The following CAMK1D variants were observed in gnomAD, a reference collection of about 807,000 sequenced individuals.
CAMK1D encodes calcium/calmodulin-dependent protein kinase type 1D.
Under a neutral mutation model 47.7 loss-of-function variants are expected in CAMK1D, and 9 were observed. The ratio of observed to expected loss-of-function variants is 0.19; its 90% CI spans 0.11 to 0.33. The LOEUF (loss-of-function observed/expected upper bound fraction) is 0.33, where lower values mean the gene tolerates loss of function less well. Ranked by LOEUF, CAMK1D falls within the 10% of genes least tolerant of loss-of-function variation. The pLI is 1.00. For synonymous variants in CAMK1D, 184 were observed against 184.9 expected, an observed-to-expected ratio of 0.99 and a Z score of 0.04; for missense variants, 291 against 488.7, an observed-to-expected ratio of 0.60 and a Z score of 3.81.
At chr10:12,823,687 C>T (rs987246073) in intron 8 of CAMK1D, among the ~76,000 whole-genome samples, 4 of 151,970 alleles carry the variant, frequency 2.6e-5, no homozygotes, top group Non-Finnish European at 4.4e-5. Context: ...GCTCAGGAAT[C>T]AGCTAGAGTT....
chr10:12,708,295 C>T (rs1019505676), intron 3 of CAMK1D, among the ~76,000 whole-genome samples: 8 of 151,328 alleles, frequency 5.3e-5, no homozygotes, highest in Admixed American at 2.0e-4. Context: ...GCGACTGATA[C>T]GTTTACATGC....
intron 3 of CAMK1D, among the ~76,000 whole-genome samples, chr10:12,711,445 G>A (rs1028472469): frequency 1.3e-5 from 2 of 152,210 alleles, no homozygotes; most frequent in African/African-American, 4.8e-5. Flanking sequence ...CGTTGGAAGA[G>A]CTCTCACGTA....
chr10:12,725,118 C>G (rs1834564113), intron 3 of CAMK1D: 1 of 153,824 alleles, frequency 6.5e-6, no homozygotes. Context: ...ACCCTCAGAT[C>G]CGCAGTCCTC....
chr10:12,779,442 C>G (rs993596734), intron 5 of CAMK1D, among the ~76,000 whole-genome samples: 2 of 151,946 alleles, frequency 1.3e-5, no homozygotes, highest in African/African-American at 2.4e-5. Flanking sequence ...TTTATCTTTT[C>G]TTTTTTCAAG....
chr10:12,396,152 G>A (rs919471660), intron 1 of CAMK1D, among the ~76,000 whole-genome samples: 2 of 152,072 alleles, frequency 1.3e-5, no homozygotes, highest in Non-Finnish European at 2.9e-5. Flanking sequence ...GGGCTTACAG[G>A]CGTGAGCCAC....
At chr10:12,623,279 T>C (rs868155689) in intron 2 of CAMK1D, among the ~76,000 whole-genome samples, 4 of 6,444 alleles carry the variant, frequency 6.2e-4, no homozygotes, top group African/African-American at 9.3e-4. Context: ...CTCCCTCCCT[T>C]CCTTCCTCCC....
intron 3 of CAMK1D, among the ~76,000 whole-genome samples, chr10:12,743,586 G>C (rs959395319): frequency 4.6e-5 from 7 of 152,304 alleles, no homozygotes; most frequent in African/African-American, 1.7e-4. Flanking sequence ...TATGTTCACA[G>C]AGTTGGATCA....
chr10:12,749,874 G>A (rs956549641), intron 3 of CAMK1D, among the ~76,000 whole-genome samples: 1 of 152,176 alleles, frequency 6.6e-6, no homozygotes, highest in East Asian at 1.9e-4. Flanking sequence ...GATGACAAGT[G>A]TGAGCCACTG....
intron 6 of CAMK1D, among the ~76,000 whole-genome samples, chr10:12,801,354 T>TATCTTTCTATC (rs57429397): frequency 1.5e-5 from 1 of 66,490 alleles, no homozygotes; most frequent in Non-Finnish European, 3.1e-5. Context: ...TCTATCTATC[T>TATCTTTCTATC]TATCTATCTA....
intron 2 of CAMK1D, among the ~76,000 whole-genome samples, chr10:12,581,407 A>G (rs1240164856): frequency 6.6e-6 from 1 of 152,182 alleles, no homozygotes; most frequent in African/African-American, 2.4e-5. Flanking sequence ...GATATCCAGT[A>G]GTGGGATTGC....
intron 2 of CAMK1D, among the ~76,000 whole-genome samples, chr10:12,574,947 G>A (rs1837446909): frequency 6.6e-6 from 1 of 152,060 alleles, no homozygotes; most frequent in African/African-American, 2.4e-5. Flanking sequence ...CAGTGGCATG[G>A]TGCAGAACCA....
At chr10:12,782,094 A>G (rs1837526132) in intron 5 of CAMK1D, among the ~76,000 whole-genome samples, 2 of 151,754 alleles carry the variant, frequency 1.3e-5, no homozygotes, top group African/African-American at 4.8e-5. Flanking sequence ...AACAGAAAAG[A>G]TCAGAGCTGT....
At chr10:12,545,527 C>T (rs944106052) in intron 1 of CAMK1D, among the ~76,000 whole-genome samples, 6 of 149,190 alleles carry the variant, frequency 4.0e-5, no homozygotes, top group Non-Finnish European at 5.9e-5. Context: ...ATTAGCCGGG[C>T]GCAGTGGCTC....
chr10:12,643,740 T>C (rs191350971), intron 2 of CAMK1D, among the ~76,000 whole-genome samples: 3 of 151,886 alleles, frequency 2.0e-5, no homozygotes, highest in Non-Finnish European at 4.4e-5. Context: ...AAAAATTAGC[T>C]AGGCATGGTG....
chr10:12,600,304 A>G (rs1487045936), intron 2 of CAMK1D, among the ~76,000 whole-genome samples: 1 of 152,200 alleles, frequency 6.6e-6, no homozygotes, highest in East Asian at 1.9e-4. Flanking sequence ...AGACCTCCTC[A>G]ACTCAAGGGG....
At chr10:12,588,684 C>T (rs1235394267) in intron 2 of CAMK1D, among the ~76,000 whole-genome samples, 1 of 151,960 alleles carries the variant, frequency 6.6e-6, no homozygotes, top group Non-Finnish European at 1.5e-5. Flanking sequence ...ACCCGACATC[C>T]AAGAAAACCA....
chr10:12,408,001 G>C (rs185631304), intron 1 of CAMK1D, among the ~76,000 whole-genome samples: 1 of 151,916 alleles, frequency 6.6e-6, no homozygotes, highest in Non-Finnish European at 1.5e-5. Flanking sequence ...GGGATTACAG[G>C]TGTGTCCCAC....
chr10:12,694,168 A>AAT lies in CAMK1D; in HGVS notation c.299+27365_299+27366dup, dbSNP rs1491254300. On this transcript the variant is annotated intron_variant, in intron 3 of 10. Transcript: ENST00000619168. ...ATAATATATAATATATATTATGCAT[A>AAT]ATATATATTATATATAATATAATAT... Among the ~76,000 whole-genome samples, 5 of 40,990 alleles carry AAT rather than the reference A, an allele frequency of 1.2e-4. 1 individual carries two copies. Among genetic ancestry groups the AAT allele is most frequent in the African/African-American group, 1.9e-4 (2 of 10,572 alleles). The allele number at this position is 40,990 out of a possible 152,430, so 26.9% of individuals were successfully genotyped here. A position where few individuals can be genotyped will look rare whatever the true frequency, so the allele number is the denominator to read the frequency against.
In CAMK1D at chr10:12,834,441, C is replaced by G. The variant is rs1222873285; in HGVS notation, c.*5554C>G. The G allele has an allele frequency of 6.6e-6, 1 of 152,080 alleles. No homozygotes were observed. The highest frequency in any genetic ancestry group is 6.6e-5 in the Admixed American group (1 of 15,248). The allele number at this position is 152,080 out of a possible 1,614,324, so 9.4% of individuals were successfully genotyped here. On this transcript the variant is annotated 3_prime_UTR_variant, in exon 11 of 11. Coordinates refer to ENST00000619168, the MANE Select transcript of CAMK1D (RefSeq NM_153498.4). Reference sequence around the variant, plus strand: ...CTTTTGCAAACCCAAAAAGGCTGTGCATTTGGAAGCCAAACGCTCAGCATG... The same window carrying G: ...CTTTTGCAAACCCAAAAAGGCTGTGGATTTGGAAGCCAAACGCTCAGCATG...
Sources: gnomAD v4.1 joint callset for allele counts (sites outside exome capture counted in the v4.1 genomes callset) on GRCh38, gnomAD v4.1.1 for gene constraint, MANE v1.5 for transcripts, NCBI Gene and HGNC (gene_info 2026-07-23, HGNC 2026-07-21) for gene names.